The following NOD2 variants were observed in gnomAD, a reference collection of about 807,000 sequenced individuals.
The protein encoded by NOD2 is nucleotide binding oligomerization domain containing 2, also known as nucleotide-binding oligomerization domain-containing protein 2.
NOD2 carries 86 observed loss-of-function variants against 90.9 expected under a neutral mutation model. The observed-to-expected ratio is 0.95, with a 90% CI of 0.79 to 1.13. NOD2 has a LOEUF of 1.13. Ranked by LOEUF, NOD2 falls within the 50% of genes most tolerant of loss-of-function variation. The pLI, the probability that NOD2 is intolerant of heterozygous loss-of-function variation, is 0.00. For synonymous variants in NOD2, 581 were observed against 554.6 expected (o/e 1.05, Z -0.67); for missense variants, 1,238 against 1,283.8 (o/e 0.96, Z 0.55).
At chr16:50,713,427 A>G (rs982209712) in intron 4 of NOD2, 1 of 152,214 alleles carries the variant, frequency 6.6e-6, no homozygotes, top group Non-Finnish European at 1.5e-5. Flanking sequence ...CTGTGTAGTG[A>G]ATTTTGTTAA....
chr16:50,731,643 G>T, intron 11 of NOD2, 104 bp from the exon 12 acceptor site: 1 of 823,206 alleles, frequency 1.2e-6, no homozygotes. Context: ...GGGCCAGAGA[G>T]TCAGCCCATC....
intron 6 of NOD2, among the ~76,000 whole-genome samples, chr16:50,717,444 A>G (rs1964850397): frequency 6.6e-6 from 1 of 152,124 alleles, no homozygotes; most frequent in African/African-American, 2.4e-5. Context: ...AGTGTCTCCC[A>G]GTTTCAACAG....
chr16:50,696,456 G>C (rs1464423077), intron 1 of NOD2: 1 of 152,348 alleles, frequency 6.6e-6, no homozygotes, highest in East Asian at 1.9e-4. Context: ...GACAGATTTC[G>C]CCTGAAGAGG....
At position 50,699,720 on chromosome 16, in the gene NOD2, G is replaced by T; in HGVS notation, c.225G>T (p.Lys75Asn). ...VWNKGTWACQKLIAAAQEAQA... is the reference protein window; with the variant it reads ...VWNKGTWACQNLIAAAQEAQA... ...ATAAGGGTACTTGGGCCTGTCAGAA[G>T]CTCATCGCGGCTGCCCAAGAAGCCC... Residue 75 changes from lysine to asparagine, a missense_variant, in exon 2 of 12, where the codon AAG (lysine) becomes AAT (asparagine). Coordinates refer to ENST00000647318, the MANE Select transcript of NOD2 (RefSeq NM_001370466.1). The T allele has an allele frequency of 6.2e-7, 1 of 1,614,150 alleles. No individual in the cohort carries two copies. The highest frequency in any genetic ancestry group is 8.5e-7 in the Non-Finnish European group (1 of 1,180,034).
Position 50,710,972 on chromosome 16 carries a change from G to T in NOD2, c.980G>T (p.Cys327Phe), listed in dbSNP as rs751854684. 1 of 1,614,244 alleles carries T rather than the reference G, an allele frequency of 6.2e-7. No homozygotes were observed. Among genetic ancestry groups the T allele is most frequent in the East Asian group, 2.2e-5 (1 of 44,882 alleles). ...CGGACTCTACTCTTTGAGCACTGCTGTTGGCCTGATGTTGGTCAAGAAGAC... is the reference window on the plus strand; with the variant it reads ...CGGACTCTACTCTTTGAGCACTGCTTTTGGCCTGATGTTGGTCAAGAAGAC... ...SVRTLLFEHC[C>F]WPDVGQEDIF... is the part of the protein sequence containing the mutation. Residue 327 changes from cysteine to phenylalanine, a missense_variant, in exon 4 of 12, where the codon TGT becomes TTT. Coordinates refer to ENST00000647318, the MANE Select transcript of NOD2 (RefSeq NM_001370466.1).
intron 2 of NOD2, among the ~76,000 whole-genome samples, chr16:50,703,573 A>T (rs1964037239): frequency 6.7e-6 from 1 of 150,218 alleles, no homozygotes; most frequent in African/African-American, 2.4e-5. Flanking sequence ...CGGGAGGCAG[A>T]TGTTGCAGTG....
chr16:50,702,140 T>C (rs1963969530), intron 2 of NOD2, among the ~76,000 whole-genome samples: 2 of 152,120 alleles, frequency 1.3e-5, no homozygotes, highest in African/African-American at 4.8e-5. Context: ...AGGGTCTTGC[T>C]ATGTTGAGGT....
At chr16:50,730,552 A>G (rs981899052) in intron 11 of NOD2, among the ~76,000 whole-genome samples, 5 of 152,208 alleles carry the variant, frequency 3.3e-5, no homozygotes, top group African/African-American at 1.2e-4. Flanking sequence ...ATGTGCTGTA[A>G]GTGAATGCTA....
intron 4 of NOD2, among the ~76,000 whole-genome samples, chr16:50,714,535 C>T (rs538848618): frequency 1.3e-5 from 2 of 152,090 alleles, no homozygotes; most frequent in South Asian, 4.1e-4. Context: ...TGCTCTTCAC[C>T]TTACACACAC....
intron 4 of NOD2, chr16:50,712,670 T>C: frequency 4.4e-6 from 2 of 458,988 alleles, no homozygotes; most frequent in East Asian, 4.1e-5. Flanking sequence ...CCATTATCCT[T>C]GACTTGAGGC....
At chr16:50,718,566 C>G (rs989503095) in intron 6 of NOD2, among the ~76,000 whole-genome samples, 3 of 152,134 alleles carry the variant, frequency 2.0e-5, no homozygotes, top group East Asian at 1.9e-4. Flanking sequence ...CAGGGATTAC[C>G]GTATATCATT....
chr16:50,696,305 GC>G (rs1427888692), intron 1 of NOD2: 1 of 152,278 alleles, frequency 6.6e-6, no homozygotes, highest in Non-Finnish European at 1.5e-5. Flanking sequence ...TTCAGGGAGG[GC>G]CCACGTGGGT....
chr16:50,700,102 C>G, intron 2 of NOD2, 148 bp downstream of exon 2: 1 of 705,262 alleles, frequency 1.4e-6, no homozygotes, highest in South Asian at 1.6e-5. Flanking sequence ...AAAATTTGCT[C>G]TTGACTCTTG....
At chr16:50,722,758 G>A (rs1028617012) in intron 8 of NOD2, 53 bp downstream of exon 8, 39 of 1,517,396 alleles carry the variant, frequency 2.6e-5, no homozygotes, top group Non-Finnish European at 3.4e-5. Flanking sequence ...GGTGAAGAGG[G>A]AGGAGCTGGG....
intron 6 of NOD2, among the ~76,000 whole-genome samples, chr16:50,717,718 G>A (rs1215206586): frequency 6.6e-6 from 1 of 152,240 alleles, no homozygotes; most frequent in Non-Finnish European, 1.5e-5. Flanking sequence ...AACCACAGGT[G>A]CCAATTTGTA....
chr16:50,718,820 C>T (rs1407774808), intron 6 of NOD2, among the ~76,000 whole-genome samples: 1 of 152,186 alleles, frequency 6.6e-6, no homozygotes, highest in African/African-American at 2.4e-5. Context: ...GGGTAAATCA[C>T]ACAAGCACTC....
In NOD2 at chr16:50,699,780, C is replaced by G; in HGVS notation, c.285C>G (p.Cys95Trp). 6.2e-7 allele frequency: 1 copy of G among 1,613,888 alleles called. No homozygotes were observed. The highest frequency in any genetic ancestry group is 1.3e-5 in the African/African-American group (1 of 75,064). Residue 95 changes from cysteine (C) to tryptophan (W), a missense_variant, in exon 2 of 12, where the codon TGC becomes TGG. By Grantham distance (215) the Cys-to-Trp change is radical. This residue lies in a region of NOD2 where 567 missense variants were observed against 577.3 expected (regional missense o/e 0.98). Coordinates refer to ENST00000647318, the MANE Select transcript of NOD2 (RefSeq NM_001370466.1). Reference protein sequence around the residue: ...ADSQSPKLHGCWDPHSLHPAR... With the variant: ...ADSQSPKLHGWWDPHSLHPAR... ...GCCAGTCCCCCAAGCTGCATGGCTG[C>G]TGGGACCCCCACTCGCTCCACCCAG...
At chr16:50,696,712 A>G (rs1291224728) in intron 1 of NOD2, among the ~76,000 whole-genome samples, 2 of 152,250 alleles carry the variant, frequency 1.3e-5, no homozygotes, top group African/African-American at 4.8e-5. Context: ...GCCTGCTCAG[A>G]GACAGGGCCT....
chr16:50,721,779 C>T (rs543958190), intron 7 of NOD2, among the ~76,000 whole-genome samples: 21 of 152,306 alleles, frequency 1.4e-4, no homozygotes, highest in African/African-American at 5.1e-4. Flanking sequence ...ACAAGTGAGC[C>T]ACCTTGCTCA....
Sources: gnomAD v4.1 joint callset for allele counts (sites outside exome capture counted in the v4.1 genomes callset) on GRCh38, gnomAD v4.1.1 for gene constraint, gnomAD v4.1.1 regional missense constraint, MANE v1.5 for transcripts, NCBI Gene and HGNC (gene_info 2026-07-23, HGNC 2026-07-21) for gene names.